KANK1: variants seen among roughly 807,000 people sequenced by gnomAD.
KANK1 encodes KN motif and ankyrin repeat domains 1.
In KANK1, 109 loss-of-function variants were observed where a neutral mutation model predicts 106.2. The ratio of observed to expected loss-of-function variants is 1.03; its 90% CI spans 0.88 to 1.20. KANK1 has a LOEUF of 1.20. KANK1 is among the 50% of genes most tolerant of loss of function. The pLI is 0.00. For synonymous variants in KANK1, 873 were observed against 652.2 expected, an observed-to-expected ratio of 1.34 and a Z score of -5.16; for missense variants, 2,399 against 1,710.7, an observed-to-expected ratio of 1.40 and a Z score of -7.10.
chr9:639,548 C>T (rs548778295), intron 1 of KANK1, among the ~76,000 whole-genome samples: 1 of 152,052 alleles, frequency 6.6e-6, no homozygotes, highest in Non-Finnish European at 1.5e-5. Flanking sequence ...AACTCCTGGC[C>T]TCAAGTCTTC....
intron 7 of KANK1, among the ~76,000 whole-genome samples, chr9:736,048 C>G (rs921864541): frequency 2.0e-5 from 3 of 152,126 alleles, no homozygotes; most frequent in African/African-American, 7.2e-5. Context: ...AGCTCCGCCT[C>G]CCGGGTTCGG....
intron 1 of KANK1, among the ~76,000 whole-genome samples, chr9:576,927 A>C (rs1201777823): frequency 6.6e-6 from 1 of 152,212 alleles, no homozygotes; most frequent in Non-Finnish European, 1.5e-5. Flanking sequence ...ATGAAGCCAT[A>C]GACCCTCACG....
At chr9:528,846 C>G (rs1033211643) in intron 1 of KANK1, among the ~76,000 whole-genome samples, 1 of 151,974 alleles carries the variant, frequency 6.6e-6, no homozygotes, top group Non-Finnish European at 1.5e-5. Context: ...GTAAGCCAGG[C>G]TGGAATGCAG....
intron 1 of KANK1, among the ~76,000 whole-genome samples, chr9:635,848 A>T (rs1254498278): frequency 1.3e-5 from 2 of 151,570 alleles, no homozygotes; most frequent in Non-Finnish European, 2.9e-5. Context: ...ACAGGTGCAC[A>T]CCACTTTAGT....
chr9:601,741 C>G (rs562321290), intron 1 of KANK1, among the ~76,000 whole-genome samples: 2 of 151,946 alleles, frequency 1.3e-5, no homozygotes, highest in Middle Eastern at 3.4e-3. Context: ...CTCTGATGTC[C>G]TTTTGACATG....
chr9:580,630 T>G (rs144630414), intron 1 of KANK1, among the ~76,000 whole-genome samples: 2 of 152,218 alleles, frequency 1.3e-5, no homozygotes, highest in African/African-American at 4.8e-5. Flanking sequence ...AGAGTGCTGA[T>G]TGGTGTATTT....
intron 1 of KANK1, among the ~76,000 whole-genome samples, chr9:548,365 G>A (rs2061061485): frequency 6.6e-6 from 1 of 152,172 alleles, no homozygotes; most frequent in South Asian, 2.1e-4. Context: ...GTTTGTCAGT[G>A]AGATAGTTGG....
At chr9:645,200 G>A (rs1407307912) in intron 1 of KANK1, among the ~76,000 whole-genome samples, 2 of 149,258 alleles carry the variant, frequency 1.3e-5, no homozygotes, top group African/African-American at 2.6e-5. Context: ...CAGCACTTTG[G>A]GAAGCTGAGG....
intron 1 of KANK1, among the ~76,000 whole-genome samples, chr9:516,497 T>C (rs544436749): frequency 2.5e-4 from 38 of 151,820 alleles, no homozygotes; most frequent in Non-Finnish European, 3.7e-4. Flanking sequence ...CCAAATGAGA[T>C]CATGTGAACT....
intron 1 of KANK1, among the ~76,000 whole-genome samples, chr9:631,044 A>G (rs1835607722): frequency 6.6e-6 from 1 of 152,186 alleles, no homozygotes; most frequent in South Asian, 2.1e-4. Context: ...ACTGGTTGGT[A>G]GAAATATGTA....
chr9:541,894 C>G (rs1022174166), intron 1 of KANK1, among the ~76,000 whole-genome samples: 37 of 151,394 alleles, frequency 2.4e-4, no homozygotes, highest in African/African-American at 9.0e-4. Context: ...TCGAGACCAT[C>G]CTGGCTAACA....
chr9:515,952 C>A (rs1414844195), intron 1 of KANK1, among the ~76,000 whole-genome samples: 1 of 151,752 alleles, frequency 6.6e-6, no homozygotes, highest in Non-Finnish European at 1.5e-5. Context: ...AGCTTTTATT[C>A]TGGGCACCTA....
At chr9:509,785 A>C (rs558407898) in intron 1 of KANK1, among the ~76,000 whole-genome samples, 147 of 152,232 alleles carry the variant, frequency 9.7e-4, no homozygotes, top group African/African-American at 3.4e-3. Context: ...CTAATATGGA[A>C]TTGATTAAAG....
intron 1 of KANK1, among the ~76,000 whole-genome samples, chr9:614,949 A>AT (rs1350972633): frequency 6.6e-6 from 1 of 151,498 alleles, no homozygotes; most frequent in Non-Finnish European, 1.5e-5. Flanking sequence ...TATGGTACCC[A>AT]TCCCCCCCCT....
intron 1 of KANK1, among the ~76,000 whole-genome samples, chr9:551,336 A>G (rs1357015128): frequency 6.6e-6 from 1 of 151,948 alleles, no homozygotes; most frequent in East Asian, 1.9e-4. Flanking sequence ...GAGTCAATCT[A>G]CTAGTTTGCT....
chr9:642,150 C>T (rs1345663171), intron 1 of KANK1, among the ~76,000 whole-genome samples: 1 of 152,176 alleles, frequency 6.6e-6, no homozygotes, highest in East Asian at 1.9e-4. Context: ...ATTAAACCAG[C>T]TTACTTCTGA....
intron 1 of KANK1, among the ~76,000 whole-genome samples, chr9:633,196 G>T (rs888545520): frequency 6.6e-6 from 1 of 151,982 alleles, no homozygotes. Context: ...AGTGGCTCAC[G>T]CCTGCAATCC....
intron 3 of KANK1, among the ~76,000 whole-genome samples, chr9:723,914 G>A (rs1487420504): frequency 7.0e-6 from 1 of 141,882 alleles, no homozygotes; most frequent in East Asian, 2.0e-4. Context: ...GCAACATAGT[G>A]AAACCCATCT....
chr9:564,701 G>A (rs566825709), intron 1 of KANK1, among the ~76,000 whole-genome samples: 3 of 152,234 alleles, frequency 2.0e-5, no homozygotes, highest in South Asian at 2.1e-4. Flanking sequence ...CTTTGCAGCC[G>A]CTCTTCCACC....
Sources: gnomAD v4.1 joint callset for allele counts (sites outside exome capture counted in the v4.1 genomes callset) on GRCh38, gnomAD v4.1.1 for gene constraint, MANE v1.5 for transcripts, NCBI Gene and HGNC (gene_info 2026-07-23, HGNC 2026-07-21) for gene names.